CAMTA1: variants seen among roughly 807,000 people sequenced by gnomAD.
The protein encoded by CAMTA1 is calmodulin-binding transcription activator 1.
CAMTA1 carries 27 observed loss-of-function variants against 170.9 expected under a neutral mutation model. The observed-to-expected ratio is 0.16, with a 90% CI of 0.12 to 0.22. The LOEUF (loss-of-function observed/expected upper bound fraction) is 0.22, where lower values mean the gene tolerates loss of function less well. Ranked by LOEUF, CAMTA1 falls within the 10% of genes least tolerant of loss-of-function variation. The pLI, the probability that CAMTA1 is intolerant of heterozygous loss-of-function variation, is 1.00. For missense variants in CAMTA1, 1,619 were observed against 2,217.2 expected (o/e 0.73, Z 5.42); for synonymous variants, 833 against 891.5 (o/e 0.93, Z 1.17).
chr1:7,097,960 G>A (rs1458799506), intron 4 of CAMTA1, among the ~76,000 whole-genome samples: 1 of 152,184 alleles, frequency 6.6e-6, no homozygotes, highest in Non-Finnish European at 1.5e-5. Flanking sequence ...TAATGCCACT[G>A]AACTTACACT....
At chr1:7,531,981 G>A (rs1321598877) in intron 6 of CAMTA1, among the ~76,000 whole-genome samples, 2 of 152,200 alleles carry the variant, frequency 1.3e-5, no homozygotes, top group East Asian at 1.9e-4. Flanking sequence ...AACTGCTGGC[G>A]TTCTTGAGGC....
intron 4 of CAMTA1, among the ~76,000 whole-genome samples, chr1:7,117,399 G>T (rs2148428258): frequency 6.6e-6 from 1 of 152,308 alleles, no homozygotes; most frequent in South Asian, 2.1e-4. Flanking sequence ...GAACTCAATT[G>T]ATGAAGCAAG....
At chr1:7,022,523 C>T (rs1181907761) in intron 3 of CAMTA1, among the ~76,000 whole-genome samples, 3 of 152,188 alleles carry the variant, frequency 2.0e-5, no homozygotes, top group Non-Finnish European at 4.4e-5. Flanking sequence ...TCTTGGTTTC[C>T]AGGGTTTTGG....
intron 4 of CAMTA1, among the ~76,000 whole-genome samples, chr1:7,193,826 T>C (rs11581497): frequency 0.094 from 14,234 of 152,108 alleles, 929 homozygotes; most frequent in Middle Eastern, 0.15. Context: ...CTCCTTTAGG[T>C]GTTCAGGTGG....
chr1:7,192,217 C>A (rs532847818), intron 4 of CAMTA1, among the ~76,000 whole-genome samples: 29 of 152,312 alleles, frequency 1.9e-4, no homozygotes, highest in African/African-American at 6.5e-4. Flanking sequence ...ATGTCGCTTG[C>A]GTGGTAGCAG....
chr1:7,484,761 C>T (rs549385076), intron 6 of CAMTA1, among the ~76,000 whole-genome samples: 1 of 152,222 alleles, frequency 6.6e-6, no homozygotes, highest in African/African-American at 2.4e-5. Context: ...TGCACTCCAA[C>T]CTGGGCGACA....
intron 4 of CAMTA1, among the ~76,000 whole-genome samples, chr1:7,244,916 A>T (rs1299482678): frequency 3.9e-5 from 6 of 151,902 alleles, no homozygotes; most frequent in African/African-American, 9.7e-5. Flanking sequence ...ATAAATACAT[A>T]AATAAATTAA....
At chr1:7,180,511 C>CTTTTTTTT (rs397862259) in intron 4 of CAMTA1, among the ~76,000 whole-genome samples, 2 of 71,178 alleles carry the variant, frequency 2.8e-5, no homozygotes, top group Non-Finnish European at 4.8e-5. Context: ...TGTCACTAGA[C>CTTTTTTTT]TTTTTTTTTT....
intron 4 of CAMTA1, among the ~76,000 whole-genome samples, chr1:7,184,589 T>C (rs1412320964): frequency 1.3e-5 from 2 of 151,694 alleles, no homozygotes; most frequent in East Asian, 3.9e-4. Flanking sequence ...AAAAGAAATA[T>C]AGGAAAGGTG....
In CAMTA1 at chr1:7,046,405, G is replaced by A. The variant is rs1376398881; in HGVS notation, c.235-44899G>A. Among the ~76,000 whole-genome samples, 12 of 152,200 alleles carry A rather than the reference G, an allele frequency of 7.9e-5. 1 individual carries two copies. Among genetic ancestry groups the A allele is most frequent in the Admixed American group, 6.5e-4 (10 of 15,282 alleles). On this transcript the variant is annotated intron_variant, in intron 3 of 22. Transcript: ENST00000303635. Reference sequence around the variant, plus strand: ...ACTCCCAAAGGGTCTCCCAGCTGCCGGAGGCTTCCAGAGGGAGGGAGTGCC... The same window carrying A: ...ACTCCCAAAGGGTCTCCCAGCTGCCAGAGGCTTCCAGAGGGAGGGAGTGCC...
intron 5 of CAMTA1, among the ~76,000 whole-genome samples, chr1:7,265,886 C>G (rs1668844423): frequency 6.6e-6 from 1 of 152,176 alleles, no homozygotes; most frequent in Admixed American, 6.5e-5. Context: ...CAGGCTCTGA[C>G]TCATAATGAG....
intron 4 of CAMTA1, among the ~76,000 whole-genome samples, chr1:7,131,102 C>T (rs781142108): frequency 3.3e-5 from 5 of 151,992 alleles, no homozygotes; most frequent in Admixed American, 6.6e-5. Flanking sequence ...TACAGGCACG[C>T]GCCATCATGC....
At chr1:7,720,097 G>A (rs1287181755) in intron 11 of CAMTA1, among the ~76,000 whole-genome samples, 1 of 152,248 alleles carries the variant, frequency 6.6e-6, no homozygotes, top group African/African-American at 2.4e-5. Context: ...GTAATAACAA[G>A]TTCTCACGTT....
rs561422002 is a variant in CAMTA1 at position 7,503,053 on chromosome 1, G to T, written c.510+35152G>T. Among the ~76,000 whole-genome samples the T allele has an allele frequency of 7.9e-4, 120 of 152,308 alleles. 1 individual carries two copies. The highest frequency in any genetic ancestry group is 1.9e-3 in the South Asian group (9 of 4,826). ...AGCCGGGGCCTGGCACACAGAGTGG[G>T]GTCAGTCAGCGTCAGGACAATGGGG... On this transcript the variant is annotated intron_variant, in intron 6 of 22. Coordinates refer to ENST00000303635, the MANE Select transcript of CAMTA1 (RefSeq NM_015215.4).
chr1:7,454,410 T>G (rs1351737217), intron 5 of CAMTA1, among the ~76,000 whole-genome samples: 1 of 152,256 alleles, frequency 6.6e-6, no homozygotes, highest in Non-Finnish European at 1.5e-5. Context: ...TATTGTCATT[T>G]AATCCAACAA....
intron 3 of CAMTA1, among the ~76,000 whole-genome samples, chr1:6,973,082 C>T (rs957394578): frequency 2.6e-5 from 4 of 152,090 alleles, no homozygotes; most frequent in South Asian, 4.1e-4. Flanking sequence ...GAACTCCTGA[C>T]CTCAGGTGAT....
chr1:6,935,277 C>G (rs959668523), intron 3 of CAMTA1, among the ~76,000 whole-genome samples: 1 of 152,112 alleles, frequency 6.6e-6, no homozygotes, highest in African/African-American at 2.4e-5. Flanking sequence ...ACCCTTTCTC[C>G]TTTACAAGGC....
chr1:7,301,467 GATGACTGA>G (rs1235041152), intron 5 of CAMTA1, among the ~76,000 whole-genome samples: 1 of 152,212 alleles, frequency 6.6e-6, no homozygotes, highest in Non-Finnish European at 1.5e-5. Flanking sequence ...AGCCCTTGTT[GATGACTGA>G]GGGGCTTTGC....
chr1:7,544,113 A>G (rs1001728898), intron 6 of CAMTA1, among the ~76,000 whole-genome samples: 1 of 152,226 alleles, frequency 6.6e-6, no homozygotes, highest in African/African-American at 2.4e-5. Flanking sequence ...GAGACTGGGA[A>G]GAAAAAGAGG....
Sources: allele counts gnomAD v4.1 joint callset (sites outside exome capture counted in the v4.1 genomes callset), GRCh38; gene constraint gnomAD v4.1.1; transcripts MANE v1.5; gene names NCBI Gene and HGNC (gene_info 2026-07-23, HGNC 2026-07-21).